The following BID variants were observed in gnomAD, a reference collection of about 807,000 sequenced individuals.
BID encodes the protein BH3 interacting domain death agonist.
A neutral mutation model predicts 17.4 loss-of-function variants in BID; 19 were observed. The observed-to-expected ratio is 1.09, with a 90% CI of 0.76 to 1.60. BID has a LOEUF of 1.60. Among genes scored for constraint, BID ranks in the 40% most tolerant of loss-of-function variants. BID has a pLI of 0.00. For synonymous variants in BID, 108 were observed against 102.8 expected (o/e 1.05, Z -0.31); for missense variants, 226 against 256.0 (o/e 0.88, Z 0.80).
intron 1 of BID, among the ~76,000 whole-genome samples, chr22:17,763,197 A>G (rs2061653660): frequency 6.6e-6 from 1 of 151,780 alleles, no homozygotes; most frequent in Non-Finnish European, 1.5e-5. Context: ...TTTCTTTGAA[A>G]AATAAAAGCA....
At chr22:17,759,247 A>AAAAAAAAAAAAAC (rs2061617832) in intron 1 of BID, among the ~76,000 whole-genome samples, 1 of 49,458 alleles carries the variant, frequency 2.0e-5, no homozygotes, top group Admixed American at 2.8e-4. Flanking sequence ...AAAACAAAAC[A>AAAAAAAAAAAAAC]AAAAAAAAAA....
chr22:17,759,979 A>C (rs1202315169), intron 1 of BID, among the ~76,000 whole-genome samples: 2 of 151,082 alleles, frequency 1.3e-5, no homozygotes, highest in African/African-American at 2.4e-5. Flanking sequence ...CTAAAAATAC[A>C]AAAAATTAGC....
intron 2 of BID, among the ~76,000 whole-genome samples, chr22:17,745,696 G>A (rs1259141853): frequency 6.6e-6 from 1 of 152,052 alleles, no homozygotes; most frequent in African/African-American, 2.4e-5. Context: ...GGCCGGGCGC[G>A]GTGGCTCACG....
chr22:17,752,884 C>T (rs1230906941), intron 1 of BID, among the ~76,000 whole-genome samples: 1 of 151,078 alleles, frequency 6.6e-6, no homozygotes, highest in African/African-American at 2.4e-5. Context: ...CCAGGATGGT[C>T]TGGATCTCCT....
At position 17,735,540 on chromosome 22, in the gene BID, A is replaced by G; in HGVS notation, c.*40T>C. ...TGGAAGCAGCTATACAGCTGTGACC[A>G]CATCGAGCTTTAGCCAGTCACACTT... On this transcript the variant is annotated 3_prime_UTR_variant, in exon 6 of 6. Coordinates refer to ENST00000622694, the MANE Select transcript of BID (RefSeq NM_001196.4). 6.2e-7 allele frequency: 1 copy of G among 1,613,774 alleles called. No individual in the cohort carries two copies. Among genetic ancestry groups the G allele is most frequent in the Non-Finnish European group, 8.5e-7 (1 of 1,179,676 alleles).
At chr22:17,748,607 GT>G in intron 2 of BID, among the ~76,000 whole-genome samples, 1 of 152,254 alleles carries the variant, frequency 6.6e-6, no homozygotes, top group East Asian at 1.9e-4. Context: ...GTTTCGGAGT[GT>G]TTCGCTGTGA....
intron 1 of BID, among the ~76,000 whole-genome samples, chr22:17,757,284 G>T (rs897125808): frequency 1.3e-5 from 2 of 151,478 alleles, no homozygotes; most frequent in Non-Finnish European, 2.9e-5. Flanking sequence ...GCATGGTGGC[G>T]TGTGCCTGTA....
chr22:17,751,147 T>G (rs888102687), intron 1 of BID, among the ~76,000 whole-genome samples: 1 of 142,164 alleles, frequency 7.0e-6, no homozygotes, highest in African/African-American at 2.7e-5. Context: ...CCGAGGCGGG[T>G]GGATCATGAG....
rs2061403981 is a variant in BID at position 17,734,164 on chromosome 22, A to G, written c.*1416T>C. On this transcript the variant is annotated 3_prime_UTR_variant, in exon 6 of 6. Transcript: ENST00000622694. ...CGTAGTGTTAGGAAGATTTATTTCC[A>G]AACAGTGGCCTCCACACTGCGCGGC... The G allele has an allele frequency of 6.6e-6, 1 of 152,226 alleles. No homozygotes were observed. 9.4% of individuals were successfully genotyped at this position (152,226 alleles called of 1,614,324 possible). A position where few individuals can be genotyped will look rare whatever the true frequency, so the allele number is the denominator to read the frequency against.
chr22:17,756,419 TCTTTCTTTCTTTC>T (rs2061584887), intron 1 of BID, among the ~76,000 whole-genome samples: 1 of 57,862 alleles, frequency 1.7e-5, no homozygotes, highest in African/African-American at 5.7e-5. Flanking sequence ...TCTCTTTCTT[TCTTTCTTTCTTTC>T]TTCTTTCTTT....
chr22:17,750,664 T>TA (rs2061531461), intron 1 of BID, among the ~76,000 whole-genome samples: 1 of 151,806 alleles, frequency 6.6e-6, no homozygotes, highest in Non-Finnish European at 1.5e-5. Context: ...CTGTCTCTAC[T>TA]AAAAATACAA....
intron 5 of BID, among the ~76,000 whole-genome samples, chr22:17,737,191 C>G (rs1475233575): frequency 6.6e-6 from 1 of 152,102 alleles, no homozygotes; most frequent in African/African-American, 2.4e-5. Flanking sequence ...CTCAAGCAAT[C>G]CCACTGCTTC....
rs146861778 is a variant in BID, at chr22:17,760,310, G to C, written c.-58-10136C>G. Among the ~76,000 whole-genome samples the C allele has an allele frequency of 6.6e-3, 1,002 of 151,088 alleles. 15 individuals carry two copies. Among genetic ancestry groups the C allele is most frequent in the African/African-American group, 0.023 (957 of 41,152 alleles). ...TACTAAAAATACAAAAACTTAGCCA[G>C]GTGAGGTGATGGGCAACTGTAGTCC... On this transcript the variant is annotated intron_variant, in intron 1 of 5. Transcript: ENST00000622694.
intron 1 of BID, among the ~76,000 whole-genome samples, chr22:17,767,547 C>CA (rs1269838161): frequency 6.6e-6 from 1 of 152,178 alleles, no homozygotes; most frequent in Non-Finnish European, 1.5e-5. Context: ...GAATTGAGCT[C>CA]AAAAGAGGCT....
At chr22:17,767,746 G>T (rs1186175884) in intron 1 of BID, among the ~76,000 whole-genome samples, 1 of 152,192 alleles carries the variant, frequency 6.6e-6, no homozygotes, top group Non-Finnish European at 1.5e-5. Context: ...AGGGGAAACA[G>T]AGACACGGAG....
Position 17,773,621 on chromosome 22 carries a change from T to C in BID, c.-59+760A>G. The C allele has an allele frequency of 6.2e-7, 1 of 1,612,576 alleles. No homozygotes were observed. ...CCCAGCCCACTTACAGAATCCGCAC[T>C]GTGCTCCTCCAGCCGGCCCGGCCCC... On this transcript the variant is annotated intron_variant, in intron 1 of 5. Transcript: ENST00000622694. This position sits in a 1 kb window ranked among gnomAD's most constrained non-coding sequence, Gnocchi z 4.4.
At chr22:17,750,069 C>G in intron 2 of BID, 36 bp downstream of exon 2, 1 of 1,606,438 alleles carries the variant, frequency 6.2e-7, no homozygotes. Flanking sequence ...CGACCCCGCC[C>G]CCCACAAGGC....
At chr22:17,767,668 A>G (rs538921322) in intron 1 of BID, among the ~76,000 whole-genome samples, 1 of 152,344 alleles carries the variant, frequency 6.6e-6, no homozygotes, top group South Asian at 2.1e-4. Flanking sequence ...ACCACAAACC[A>G]ATGCTCAATC....
chr22:17,748,811 C>A (rs925693980), intron 2 of BID, among the ~76,000 whole-genome samples: 1 of 152,226 alleles, frequency 6.6e-6, no homozygotes, highest in African/African-American at 2.4e-5. Context: ...CCTGCGGAGG[C>A]CGCCAGAGCG....
Sources: gnomAD v4.1 joint callset for allele counts (sites outside exome capture counted in the v4.1 genomes callset) on GRCh38, gnomAD v4.1.1 for gene constraint, Gnocchi (gnomAD v3.1) non-coding constraint, MANE v1.5 for transcripts, NCBI Gene and HGNC (gene_info 2026-07-23, HGNC 2026-07-21) for gene names.